Variants in SNTG1 observed in about 807,000 individuals in gnomAD.
SNTG1 encodes syntrophin gamma 1, also known as gamma-1-syntrophin.
In SNTG1, 39 loss-of-function variants were observed where a neutral mutation model predicts 74.7. The ratio of observed to expected loss-of-function variants is 0.52; its 90% CI spans 0.40 to 0.68. SNTG1 has a LOEUF of 0.68. Ranked by LOEUF, SNTG1 falls within the 30% of genes least tolerant of loss-of-function variation. The pLI, the probability that SNTG1 is intolerant of heterozygous loss-of-function variation, is 0.00. For synonymous variants in SNTG1, 254 were observed against 217.1 expected (o/e 1.17, Z -1.49); for missense variants, 685 against 609.5 (o/e 1.12, Z -1.30).
Position 50,057,332 on chromosome 8 carries a change from G to T in SNTG1, c.-102-115229G>T, listed in dbSNP as rs140881635. Reference sequence around the variant, plus strand: ...AAGCCAGATGCATGAAGACACAATGGGTTAGGGTGATTATACCTTATCGGG... The same window carrying T: ...AAGCCAGATGCATGAAGACACAATGTGTTAGGGTGATTATACCTTATCGGG... On this transcript the variant is annotated intron_variant, in intron 1 of 18. Coordinates refer to ENST00000642720, the MANE Select transcript of SNTG1 (RefSeq NM_018967.5). 4.3e-4 allele frequency among the ~76,000 whole-genome samples: 66 copies of T among 152,232 alleles called. No homozygotes were observed. In the East Asian group the frequency reaches 0.012, roughly 28 times the overall value.
intron 1 of SNTG1, among the ~76,000 whole-genome samples, chr8:49,924,287 GA>G (rs142215602): frequency 0.013 from 1,937 of 152,152 alleles, 43 homozygotes; most frequent in African/African-American, 0.042. Context: ...CTTTATAGAG[GA>G]AAAAAAGTTT....
chr8:50,130,180 A>G (rs762677067), intron 1 of SNTG1, among the ~76,000 whole-genome samples: 2 of 152,190 alleles, frequency 1.3e-5, no homozygotes, highest in Non-Finnish European at 2.9e-5. Context: ...GCTATAAAAT[A>G]TAACAAAATA....
intron 13 of SNTG1, among the ~76,000 whole-genome samples, chr8:50,610,746 A>T (rs2094844062): frequency 6.6e-6 from 1 of 152,158 alleles, no homozygotes; most frequent in African/African-American, 2.4e-5. Flanking sequence ...TAGGGGTGGA[A>T]AATGGGAATA....
rs1415726150 is a variant in SNTG1 at position 50,498,977 on chromosome 8, TTATC to T, written c.364-3795_364-3792del. On this transcript the variant is annotated intron_variant, in intron 8 of 18. Transcript: ENST00000642720. ...TGTTACATTATTATTTTATTTTGCTTTATCTATCTTTTTGATAACACAATGTCTT... is the reference window on the plus strand; with the variant it reads ...TGTTACATTATTATTTTATTTTGCTTTATCTTTTTGATAACACAATGTCTT... Among the ~76,000 whole-genome samples the T allele has an allele frequency of 5.3e-5, 8 of 151,892 alleles. No individual in the cohort carries two copies. In the South Asian group the frequency reaches 8.3e-4, roughly 16 times the overall value.
At position 50,318,367 on chromosome 8, in the gene SNTG1, C is replaced by T. The variant is rs555935008; in HGVS notation, c.-27-75845C>T. ...ATAAAAAGCATCGGTATTTCTTTAA[C>T]TTGAGAACACATACTGACATGCTCC... On this transcript the variant is annotated intron_variant, in intron 2 of 18. Coordinates refer to ENST00000642720, the MANE Select transcript of SNTG1 (RefSeq NM_018967.5). 4.6e-5 allele frequency among the ~76,000 whole-genome samples: 7 copies of T among 152,318 alleles called. No homozygotes were observed. The East Asian group carries it at 9.6e-4, about 21-fold the overall frequency.
chr8:50,738,205 G>A (rs1302180500), intron 17 of SNTG1, among the ~76,000 whole-genome samples: 1 of 152,090 alleles, frequency 6.6e-6, no homozygotes, highest in Admixed American at 6.6e-5. Flanking sequence ...AGCAACTTCA[G>A]CAAAGCCTCA....
intron 2 of SNTG1, among the ~76,000 whole-genome samples, chr8:50,271,205 T>C (rs1420925761): frequency 6.6e-6 from 1 of 152,180 alleles, no homozygotes; most frequent in Non-Finnish European, 1.5e-5. Context: ...CAGCTTTTGG[T>C]ATATCATCCC....
At chr8:50,515,485 C>T (rs2094125222) in intron 9 of SNTG1, among the ~76,000 whole-genome samples, 2 of 144,028 alleles carry the variant, frequency 1.4e-5, no homozygotes, top group Admixed American at 7.3e-5. Flanking sequence ...GGGCTGAAGC[C>T]AAGGAGCCAA....
intron 15 of SNTG1, among the ~76,000 whole-genome samples, chr8:50,692,562 G>T (rs1281387170): frequency 1.3e-5 from 2 of 152,162 alleles, no homozygotes; most frequent in Non-Finnish European, 2.9e-5. Context: ...CTGCAGAACA[G>T]CGGACATTAG....
chr8:50,418,288 T>C (rs1274227385), intron 4 of SNTG1, among the ~76,000 whole-genome samples: 1 of 152,112 alleles, frequency 6.6e-6, no homozygotes, highest in Non-Finnish European at 1.5e-5. Context: ...TAATTTTACT[T>C]GTGTTTTCAA....
intron 1 of SNTG1, among the ~76,000 whole-genome samples, chr8:49,912,508 AAAACT>A (rs1447207736): frequency 6.6e-6 from 1 of 152,148 alleles, no homozygotes; most frequent in African/African-American, 2.4e-5. Context: ...ATTTTTTCCC[AAAACT>A]AATGCAATCG....
In SNTG1 at chr8:50,366,647, A is replaced by G. The variant is rs377006764; in HGVS notation, c.-27-27565A>G. On this transcript the variant is annotated intron_variant, in intron 2 of 18. Transcript: ENST00000642720. Reference sequence around the variant, plus strand: ...AATATATGTCTATATGATTTTATATATATATTATTTTGTAATAATATAGGC... The same window carrying G: ...AATATATGTCTATATGATTTTATATGTATATTATTTTGTAATAATATAGGC... Among the ~76,000 whole-genome samples, 8 of 147,474 alleles carry G rather than the reference A, an allele frequency of 5.4e-5. No homozygotes were observed. The East Asian group carries it at 7.8e-4, about 14-fold the overall frequency.
chr8:49,921,504 T>A (rs1263295988), intron 1 of SNTG1, among the ~76,000 whole-genome samples: 2 of 152,080 alleles, frequency 1.3e-5, no homozygotes, highest in Non-Finnish European at 2.9e-5. Flanking sequence ...AGGAAGATAG[T>A]AGGGATCAGA....
intron 2 of SNTG1, among the ~76,000 whole-genome samples, chr8:50,248,010 T>C (rs1244962557): frequency 6.6e-6 from 1 of 152,160 alleles, no homozygotes; most frequent in Non-Finnish European, 1.5e-5. Context: ...TATGGTCGTC[T>C]TCTCCCTGTG....
rs1367160505 is a variant in SNTG1 at position 49,911,935 on chromosome 8, G to C, written c.-399G>C. On this transcript the variant is annotated 5_prime_UTR_variant, in exon 1 of 19. Transcript: ENST00000642720. The stretch of plus-strand genomic sequence containing the variant: ...CTGTACCTAAGGACAGGACTCTGAG[G>C]AGTACTCTTGCTCCACAGATTAAAC... 1 of 152,228 alleles carries C rather than the reference G, an allele frequency of 6.6e-6. No homozygotes were observed. The highest frequency in any genetic ancestry group is 1.5e-5 in the Non-Finnish European group (1 of 68,054). 9.4% of individuals were successfully genotyped at this position (152,228 alleles called of 1,614,324 possible). A position where few individuals can be genotyped will look rare whatever the true frequency, so the allele number is the denominator to read the frequency against.
chr8:50,217,969 T>G (rs1449970446), intron 2 of SNTG1, among the ~76,000 whole-genome samples: 1 of 152,202 alleles, frequency 6.6e-6, no homozygotes, highest in Non-Finnish European at 1.5e-5. Flanking sequence ...TGTTAAGTTC[T>G]GCTCTGTGAA....
intron 1 of SNTG1, among the ~76,000 whole-genome samples, chr8:49,916,424 A>G (rs1806039121): frequency 6.6e-6 from 1 of 152,202 alleles, no homozygotes; most frequent in African/African-American, 2.4e-5. Flanking sequence ...TAAAGTGATC[A>G]TGTTATATTT....
chr8:49,928,266 C>T (rs1301785276), intron 1 of SNTG1, among the ~76,000 whole-genome samples: 4 of 151,536 alleles, frequency 2.6e-5, no homozygotes, highest in African/African-American at 7.3e-5. Context: ...CTAGCTCTGT[C>T]CCCCAGACTG....
intron 2 of SNTG1, among the ~76,000 whole-genome samples, chr8:50,301,287 G>C (rs1170704860): frequency 6.6e-6 from 1 of 151,990 alleles, no homozygotes; most frequent in Non-Finnish European, 1.5e-5. Flanking sequence ...TTTCAACTGA[G>C]TGATCTTTAC....
Sources: gnomAD v4.1 joint callset for allele counts (sites outside exome capture counted in the v4.1 genomes callset) on GRCh38, gnomAD v4.1.1 for gene constraint, MANE v1.5 for transcripts, NCBI Gene and HGNC (gene_info 2026-07-23, HGNC 2026-07-21) for gene names.